B3GALT1: variants seen among roughly 807,000 people sequenced by gnomAD.
The protein encoded by B3GALT1 is beta-1,3-galactosyltransferase 1.
B3GALT1 carries 10 observed loss-of-function variants against 23.2 expected under a neutral mutation model. The ratio of observed to expected loss-of-function variants is 0.43; its 90% CI spans 0.27 to 0.73. The LOEUF is 0.73. Among genes scored for constraint, B3GALT1 ranks in the 30% least tolerant of loss-of-function variants. The pLI is 0.21. For synonymous variants in B3GALT1, 156 were observed against 141.5 expected, an observed-to-expected ratio of 1.10 and a Z score of -0.73; for missense variants, 299 against 405.4, an observed-to-expected ratio of 0.74 and a Z score of 2.25.
rs117040151 is a variant in B3GALT1, at chr2:167,448,432, T to A, written c.-510-41745T>A. 7.7e-4 allele frequency among the ~76,000 whole-genome samples: 117 copies of A among 152,320 alleles called. 1 individual carries two copies. The East Asian group carries it at 0.018, about 23-fold the overall frequency. ...TTTTCTTTTGAGAATTATCTATTAA[T>A]GTCCTTAGCTCAATTTTTGATGGGA... is the stretch of plus-strand genomic sequence containing the variant. On this transcript the variant is annotated intron_variant, in intron 1 of 4. Coordinates refer to ENST00000392690, the MANE Select transcript of B3GALT1 (RefSeq NM_020981.4).
chr2:167,667,837 T>C (rs1441151305), intron 3 of B3GALT1, among the ~76,000 whole-genome samples: 1 of 152,216 alleles, frequency 6.6e-6, no homozygotes, highest in African/African-American at 2.4e-5. Flanking sequence ...GTTATTCAAG[T>C]TATAGATTCT....
At chr2:167,752,387 A>G (rs1687752199) in intron 3 of B3GALT1, among the ~76,000 whole-genome samples, 1 of 152,214 alleles carries the variant, frequency 6.6e-6, no homozygotes, top group South Asian at 2.1e-4. Context: ...GAGAATACTT[A>G]ATAGTAATTT....
chr2:167,671,548 A>G (rs1399683373), intron 3 of B3GALT1, among the ~76,000 whole-genome samples: 1 of 152,180 alleles, frequency 6.6e-6, no homozygotes, highest in African/African-American at 2.4e-5. Context: ...AACAACACAC[A>G]CCTAAACAAT....
At chr2:167,427,897 C>A (rs1031873821) in intron 1 of B3GALT1, among the ~76,000 whole-genome samples, 1 of 152,102 alleles carries the variant, frequency 6.6e-6, no homozygotes, top group South Asian at 2.1e-4. Flanking sequence ...TCCACAAAAC[C>A]CTCTAAGTTA....
chr2:167,706,103 T>C (rs1239954125), intron 3 of B3GALT1, among the ~76,000 whole-genome samples: 1 of 152,216 alleles, frequency 6.6e-6, no homozygotes, highest in East Asian at 1.9e-4. Flanking sequence ...CTGAGCTCTC[T>C]ATACGGAAGC....
chr2:167,570,249 C>T (rs1684265548), intron 2 of B3GALT1, among the ~76,000 whole-genome samples: 1 of 151,840 alleles, frequency 6.6e-6, no homozygotes, highest in Admixed American at 6.6e-5. Flanking sequence ...GTAATTTCTT[C>T]CTTAAATGTT....
chr2:167,588,846 TTTCCTTCCTTCCTTCCTTCTTTCC>T (rs1317442722), intron 2 of B3GALT1, among the ~76,000 whole-genome samples: 5 of 125,098 alleles, frequency 4.0e-5, no homozygotes, highest in Middle Eastern at 7.4e-3. Flanking sequence ...TCCTTCCTTC[TTTCCTTCCTTCCTTCCTTCTTTCC>T]TTCCTTCCTT....
intron 1 of B3GALT1, among the ~76,000 whole-genome samples, chr2:167,339,778 A>G (rs2105246607): frequency 6.6e-6 from 1 of 152,320 alleles, no homozygotes; most frequent in South Asian, 2.1e-4. Context: ...AAATAGAAAA[A>G]TTAATTAATT....
chr2:167,463,287 A>G (rs1033670185), intron 1 of B3GALT1, among the ~76,000 whole-genome samples: 1 of 152,116 alleles, frequency 6.6e-6, no homozygotes, highest in Non-Finnish European at 1.5e-5. Context: ...CAGTATCAGG[A>G]ACATAGTATC....
intron 3 of B3GALT1, among the ~76,000 whole-genome samples, chr2:167,698,177 G>A (rs2105507249): frequency 6.6e-6 from 1 of 152,164 alleles, no homozygotes; most frequent in South Asian, 2.1e-4. Context: ...GTAGTTCTAT[G>A]GAAAGAAGGA....
At chr2:167,645,632 A>C (rs2105459311) in intron 2 of B3GALT1, among the ~76,000 whole-genome samples, 1 of 131,694 alleles carries the variant, frequency 7.6e-6, no homozygotes, top group South Asian at 2.4e-4. Context: ...CAGTGGCATG[A>C]CTTCAGCTCA....
intron 3 of B3GALT1, among the ~76,000 whole-genome samples, chr2:167,656,362 C>A (rs1334889519): frequency 6.6e-6 from 1 of 152,082 alleles, no homozygotes; most frequent in Non-Finnish European, 1.5e-5. Flanking sequence ...CAAAAACAAG[C>A]AAAGTGACGA....
At chr2:167,788,855 C>G (rs1688385784) in intron 3 of B3GALT1, among the ~76,000 whole-genome samples, 1 of 152,166 alleles carries the variant, frequency 6.6e-6, no homozygotes, top group South Asian at 2.1e-4. Flanking sequence ...ACCAATAGAA[C>G]AGTTTCAAAG....
intron 3 of B3GALT1, among the ~76,000 whole-genome samples, chr2:167,700,586 G>A (rs1221842703): frequency 6.6e-6 from 1 of 152,144 alleles, no homozygotes; most frequent in Non-Finnish European, 1.5e-5. Context: ...TGTCTTCAAA[G>A]AGAAACAGAG....
At chr2:167,496,922 A>G (rs1485405084) in intron 2 of B3GALT1, among the ~76,000 whole-genome samples, 2 of 152,184 alleles carry the variant, frequency 1.3e-5, no homozygotes, top group Non-Finnish European at 2.9e-5. Flanking sequence ...AGCCTCCAGC[A>G]CTGTAGAAGT....
intron 3 of B3GALT1, chr2:167,714,285 G>A: frequency 1.3e-6 from 2 of 1,500,746 alleles, no homozygotes; most frequent in South Asian, 2.3e-5. Context: ...GGAGATGAGA[G>A]GGACCCAGTG....
At chr2:167,768,255 AAT>A (rs1688010637) in intron 3 of B3GALT1, among the ~76,000 whole-genome samples, 1 of 152,220 alleles carries the variant, frequency 6.6e-6, no homozygotes, top group Non-Finnish European at 1.5e-5. Flanking sequence ...GTATTTATAA[AAT>A]ATGTAGAGAA....
At chr2:167,541,534 A>G (rs1683533879) in intron 2 of B3GALT1, among the ~76,000 whole-genome samples, 1 of 152,172 alleles carries the variant, frequency 6.6e-6, no homozygotes. Flanking sequence ...TTTATAAAGT[A>G]ATCTCAATAT....
chr2:167,751,642 C>T (rs1420739605), intron 3 of B3GALT1, among the ~76,000 whole-genome samples: 1 of 152,164 alleles, frequency 6.6e-6, no homozygotes, highest in Admixed American at 6.5e-5. Context: ...CCACTTTGGA[C>T]TGATAGAAGG....
Sources: gnomAD v4.1 joint callset for allele counts (sites outside exome capture counted in the v4.1 genomes callset) on GRCh38, gnomAD v4.1.1 for gene constraint, MANE v1.5 for transcripts, NCBI Gene and HGNC (gene_info 2026-07-23, HGNC 2026-07-21) for gene names.